The following NRG1 variants were observed in gnomAD, a reference collection of about 807,000 sequenced individuals.
NRG1 encodes the protein neuregulin 1.
In NRG1, 18 loss-of-function variants were observed where a neutral mutation model predicts 63.8. The ratio of observed to expected loss-of-function variants is 0.28; its 90% CI spans 0.19 to 0.42. NRG1 has a LOEUF of 0.42. Among genes scored for constraint, NRG1 ranks in the 10% least tolerant of loss-of-function variants. The probability of loss-of-function intolerance (pLI) is 1.00; values close to 1 mark genes in which losing one functional copy is unlikely to be tolerated. For missense variants in NRG1, 762 were observed against 814.7 expected (o/e 0.94, Z 0.79); for synonymous variants, 302 against 301.3 (o/e 1.00, Z -0.02).
intron 1 of NRG1, among the ~76,000 whole-genome samples, chr8:32,429,648 C>T (rs973975538): frequency 6.6e-6 from 1 of 152,110 alleles, no homozygotes; most frequent in African/African-American, 2.4e-5. Flanking sequence ...CCTTTCTCTC[C>T]CTTTTTGTTT....
At chr8:31,965,159 T>C (rs144256076) in intron 1 of NRG1, among the ~76,000 whole-genome samples, 43 of 152,300 alleles carry the variant, frequency 2.8e-4, no homozygotes, top group African/African-American at 1.0e-3. Flanking sequence ...TACTACATTT[T>C]CTTTATCCTC....
At chr8:31,877,315 G>A (rs967148048) in intron 1 of NRG1, among the ~76,000 whole-genome samples, 9 of 152,168 alleles carry the variant, frequency 5.9e-5, no homozygotes, top group South Asian at 2.1e-4. Context: ...TTTTTATGCC[G>A]TATTTATGAG....
chr8:32,174,948 A>G (rs901260711), intron 1 of NRG1, among the ~76,000 whole-genome samples: 1 of 152,236 alleles, frequency 6.6e-6, no homozygotes, highest in African/African-American at 2.4e-5. Flanking sequence ...TCCAATCAAT[A>G]GAAAAAGAGG....
chr8:32,295,891 C>T (rs983820856), intron 1 of NRG1, among the ~76,000 whole-genome samples: 2 of 148,650 alleles, frequency 1.3e-5, no homozygotes, highest in African/African-American at 5.0e-5. Context: ...GAGCCAAGAT[C>T]GCGCCATTGC....
chr8:32,322,005 C>T (rs1469923186), intron 1 of NRG1, among the ~76,000 whole-genome samples: 2 of 151,610 alleles, frequency 1.3e-5, no homozygotes, highest in African/African-American at 4.8e-5. Context: ...ATTTCTTTTC[C>T]AGCTTTAAAA....
chr8:32,348,175 A>G (rs1165277788), intron 1 of NRG1, among the ~76,000 whole-genome samples: 1 of 152,148 alleles, frequency 6.6e-6, no homozygotes. Flanking sequence ...CTGCACAGCT[A>G]ATCCTAGCTC....
At chr8:32,320,717 T>C (rs936951944) in intron 1 of NRG1, among the ~76,000 whole-genome samples, 9 of 152,126 alleles carry the variant, frequency 5.9e-5, no homozygotes, top group African/African-American at 2.2e-4. Flanking sequence ...GAGATTTGGG[T>C]GGGGACACAA....
rs552663671 is a variant in NRG1, at chr8:31,824,245, A to G, written c.37+184814A>G. Among the ~76,000 whole-genome samples the G allele has an allele frequency of 4.3e-4, 58 of 135,496 alleles. 1 individual carries two copies. Among genetic ancestry groups the G allele is most frequent in the African/African-American group, 1.5e-3 (52 of 35,618 alleles). The allele number at this position is 135,496 out of a possible 152,430, so 88.9% of individuals were successfully genotyped here. A position where few individuals can be genotyped will look rare whatever the true frequency, so the allele number is the denominator to read the frequency against. ...TGTGTCCAAGTGTTCTCACTGTTCA[A>G]TTCCCACCTGTGAGTGAGAACATGC... On this transcript the variant is annotated intron_variant, in intron 1 of 10. Coordinates refer to the NRG1 transcript ENST00000519301.
At chr8:32,317,786 A>T in intron 1 of NRG1, among the ~76,000 whole-genome samples, 1 of 152,168 alleles carries the variant, frequency 6.6e-6, no homozygotes, top group Non-Finnish European at 1.5e-5. Flanking sequence ...AATGAAGGAG[A>T]TTTCTACCTG....
chr8:32,360,479 G>C (rs905258250), intron 1 of NRG1, among the ~76,000 whole-genome samples: 1 of 152,184 alleles, frequency 6.6e-6, no homozygotes, highest in Non-Finnish European at 1.5e-5. Flanking sequence ...AGGGTGAAAA[G>C]TATTATAATG....
At chr8:32,192,538 T>C (rs1391601304) in intron 1 of NRG1, among the ~76,000 whole-genome samples, 1 of 151,808 alleles carries the variant, frequency 6.6e-6, no homozygotes, top group Non-Finnish European at 1.5e-5. Context: ...GCACAAAACA[T>C]TGGGTACCCA....
intron 1 of NRG1, among the ~76,000 whole-genome samples, chr8:32,342,349 G>A (rs1804183606): frequency 1.3e-5 from 2 of 152,152 alleles, no homozygotes; most frequent in African/African-American, 4.8e-5. Context: ...AAAAATGAAA[G>A]CAAAACTAAC....
At chr8:31,674,558 CTTT>C (rs33917304) in intron 1 of NRG1, among the ~76,000 whole-genome samples, 1 of 147,170 alleles carries the variant, frequency 6.8e-6, no homozygotes, top group Admixed American at 6.8e-5. Context: ...CATCTGGGTA[CTTT>C]TTTTTTTTTT....
chr8:32,473,960 C>T (rs937408520), intron 1 of NRG1, among the ~76,000 whole-genome samples: 2 of 152,170 alleles, frequency 1.3e-5, no homozygotes, highest in Non-Finnish European at 2.9e-5. Context: ...ACCAGGATTA[C>T]AGGCATAAGC....
chr8:31,676,196 G>A (rs777170503), intron 1 of NRG1, among the ~76,000 whole-genome samples: 58 of 152,086 alleles, frequency 3.8e-4, no homozygotes, highest in Non-Finnish European at 7.5e-4. Context: ...TCCTGAGCAT[G>A]GGAACAGCCT....
chr8:31,961,949 A>G (rs981063477), intron 1 of NRG1, among the ~76,000 whole-genome samples: 5 of 151,946 alleles, frequency 3.3e-5, no homozygotes, highest in African/African-American at 1.2e-4. Flanking sequence ...ATTTTCATAT[A>G]TTTTATCCAT....
chr8:31,961,654 T>C (rs1323073567), intron 1 of NRG1, among the ~76,000 whole-genome samples: 1 of 152,160 alleles, frequency 6.6e-6, no homozygotes, highest in Non-Finnish European at 1.5e-5. Flanking sequence ...TCCTGTAAAA[T>C]TTACTATGAA....
intron 1 of NRG1, among the ~76,000 whole-genome samples, chr8:32,050,687 G>A (rs1821841156): frequency 6.6e-6 from 1 of 152,076 alleles, no homozygotes; most frequent in East Asian, 1.9e-4. Context: ...CGTACCCAAA[G>A]CTGAGACTAT....
chr8:32,730,521 A>G (rs1349924258), intron 6 of NRG1, among the ~76,000 whole-genome samples: 1 of 152,206 alleles, frequency 6.6e-6, no homozygotes, highest in African/African-American at 2.4e-5. Context: ...TTAGATCTGA[A>G]TTATCTCATA....
Sources: allele counts gnomAD v4.1 joint callset (sites outside exome capture counted in the v4.1 genomes callset), GRCh38; gene constraint gnomAD v4.1.1; transcripts MANE v1.5; gene names NCBI Gene and HGNC (gene_info 2026-07-23, HGNC 2026-07-21).